Variants in ZBTB48 observed in about 807,000 individuals in gnomAD.
ZBTB48 encodes the protein zinc finger and BTB domain containing 48.
In ZBTB48, 35 loss-of-function variants were observed where a neutral mutation model predicts 64.5. The ratio of observed to expected loss-of-function variants is 0.54; its 90% CI spans 0.41 to 0.72. The LOEUF is 0.72. Ranked by LOEUF, ZBTB48 falls within the 30% of genes least tolerant of loss-of-function variation. The pLI is 0.00. For synonymous variants in ZBTB48, 442 were observed against 356.7 expected (o/e 1.24, Z -2.70); for missense variants, 828 against 895.3 (o/e 0.92, Z 0.96).
At chr1:6,582,958 C>T (rs1640524244) in intron 3 of ZBTB48, among the ~76,000 whole-genome samples, 1 of 152,216 alleles carries the variant, frequency 6.6e-6, no homozygotes, top group Admixed American at 6.5e-5. Context: ...GTGTGAGCCA[C>T]CATGCCCAGC....
chr1:6,580,570 C>T lies in ZBTB48; in HGVS notation c.-40C>T, dbSNP rs773070430. 1 of 1,579,688 alleles carries T rather than the reference C, an allele frequency of 6.3e-7. No homozygotes were observed. Among genetic ancestry groups the T allele is most frequent in the Non-Finnish European group, 8.6e-7 (1 of 1,160,146 alleles). The stretch of plus-strand genomic sequence containing the variant: ...TTTCTCTTGCATACCCTCGCTTAGG[C>T]TGGCCGGGGTGTCACTTCTGCCTCC... On this transcript the variant is annotated 5_prime_UTR_variant, in exon 2 of 11. Coordinates refer to ENST00000377674, the MANE Select transcript of ZBTB48 (RefSeq NM_005341.4). The surrounding 1 kb of genome is among the most constrained non-coding windows in gnomAD (Gnocchi z 5.2).
Position 6,580,940 on chromosome 1 carries a change from T to C in ZBTB48, c.331T>C (p.Cys111Arg). The part of the protein sequence containing the change: ...ELRVPEAVEL[C>R]QSFKPKTSVG... Reference sequence around the variant, plus strand: ...GCGAGTGCCAGAGGCCGTAGAGCTGTGCCAGAGCTTCAAGCCCAAAACTTC... The same window carrying C: ...GCGAGTGCCAGAGGCCGTAGAGCTGCGCCAGAGCTTCAAGCCCAAAACTTC... The change falls in exon 2 of 11, where the codon TGC becomes CGC. Residue 111 changes from cysteine (C) to arginine (R), a missense_variant. Physicochemically the swap from Cys to Arg is radical, Grantham distance 180 (BLOSUM62 -3). Coordinates refer to ENST00000377674, the MANE Select transcript of ZBTB48 (RefSeq NM_005341.4). This position sits in a 1 kb window ranked among gnomAD's most constrained non-coding sequence, Gnocchi z 5.2. 6.2e-7 allele frequency: 1 copy of C among 1,613,974 alleles called. No homozygotes were observed. The highest frequency in any genetic ancestry group is 8.5e-7 in the Non-Finnish European group (1 of 1,180,036).
In ZBTB48 at chr1:6,588,758, G is replaced by A. The variant is rs751416696; in HGVS notation, c.1684G>A (p.Val562Met). 15 of 1,614,058 alleles carry A rather than the reference G, an allele frequency of 9.3e-6. No individual in the cohort carries two copies. Among genetic ancestry groups the A allele is most frequent in the East Asian group, 8.9e-5 (4 of 44,884 alleles). ...CQICGKTFKA[V>M]EQLRVHVRRH... ...CCACGGTGTTCTCCCTCTTGCAGCC[G>A]TGGAGCAACTGCGTGTGCACGTCAG... The change falls in exon 10 of 11, where the codon GTG becomes ATG. Residue 562 changes from valine to methionine, a missense_variant and splice_region_variant. Coordinates refer to ENST00000377674, the MANE Select transcript of ZBTB48 (RefSeq NM_005341.4).
In ZBTB48 at chr1:6,585,911, C is replaced by G; in HGVS notation, c.933-8C>G. On this transcript the variant is annotated splice_region_variant and splice_polypyrimidine_tract_variant and intron_variant, in intron 3 of 10. Coordinates refer to ENST00000377674, the MANE Select transcript of ZBTB48 (RefSeq NM_005341.4). ...CAGCCCCCCCACCCCTGTGGCTTCT[C>G]CTGGCAGGAAACATACTGGGGAGAA... The G allele has an allele frequency of 6.2e-7, 1 of 1,613,884 alleles. No homozygotes were observed. The highest frequency in any genetic ancestry group is 8.5e-7 in the Non-Finnish European group (1 of 1,179,850).
At chr1:6,587,160 A>G (rs1640702224) in intron 5 of ZBTB48, 45 bp from the exon 6 acceptor site, 1 of 1,609,060 alleles carries the variant, frequency 6.2e-7, no homozygotes, top group African/African-American at 1.3e-5. Flanking sequence ...GCAGGGTTTC[A>G]TGGGTGCAGG....
intron 4 of ZBTB48, 42 bp from the exon 5 acceptor site, chr1:6,586,653 G>GC (rs750180112): frequency 2.7e-6 from 4 of 1,504,520 alleles, no homozygotes; most frequent in Non-Finnish European, 1.8e-6. Flanking sequence ...ATAGGCAGAG[G>GC]CCCCCGCTGA....
In ZBTB48 at chr1:6,580,563, G is replaced by A; in HGVS notation, c.-47G>A. ...CAGGAGCTTTCTCTTGCATACCCTC[G>A]CTTAGGCTGGCCGGGGTGTCACTTC... On this transcript the variant is annotated 5_prime_UTR_variant, in exon 2 of 11. Transcript: ENST00000377674. This position sits in a 1 kb window ranked among gnomAD's most constrained non-coding sequence, Gnocchi z 5.2. 2 of 1,573,452 alleles carry A rather than the reference G, an allele frequency of 1.3e-6. No homozygotes were observed.
intron 4 of ZBTB48, chr1:6,586,282 AC>A: frequency 1.9e-6 from 1 of 531,724 alleles, no homozygotes; most frequent in Non-Finnish European, 3.3e-6. Context: ...CCCCTGGCCC[AC>A]CTCCACCTTG....
chr1:6,583,948 T>C (rs1640568895), intron 3 of ZBTB48, among the ~76,000 whole-genome samples: 1 of 151,916 alleles, frequency 6.6e-6, no homozygotes, highest in Non-Finnish European at 1.5e-5. Context: ...CCTGGCTAAT[T>C]TTTTTGTGTG....
At chr1:6,585,379 C>G (rs1640621758) in intron 3 of ZBTB48, 1 of 154,960 alleles carries the variant, frequency 6.5e-6, no homozygotes, top group South Asian at 2.0e-4. Context: ...GGCCCTTTCT[C>G]TGAATGGGGA....
At position 6,581,312 on chromosome 1, in the gene ZBTB48, G is replaced by A; in HGVS notation, c.690+13G>A. ...CGGCAGTAATGAGGTACTGTGCCCA[G>A]GGTGTTGGGACTGGGGAGACAAATA... is the stretch of plus-strand genomic sequence containing the variant. On this transcript the variant is annotated intron_variant, in intron 2 of 10. Coordinates refer to ENST00000377674, the MANE Select transcript of ZBTB48 (RefSeq NM_005341.4). 1 of 1,582,256 alleles carries A rather than the reference G, an allele frequency of 6.3e-7. No individual in the cohort carries two copies. Among genetic ancestry groups the A allele is most frequent in the Non-Finnish European group, 8.6e-7 (1 of 1,165,850 alleles).
chr1:6,586,581 C>CG, intron 4 of ZBTB48, 114 bp from the exon 5 acceptor site: 1 of 1,393,896 alleles, frequency 7.2e-7, no homozygotes, highest in African/African-American at 1.5e-5. Context: ...CCCTAGCGTC[C>CG]CCACCCTCCC....
Position 6,580,257 on chromosome 1 carries a change from C to T in ZBTB48, c.-70+121C>T, listed in dbSNP as rs960496523. On this transcript the variant is annotated intron_variant, in intron 1 of 10. Transcript: ENST00000377674. The surrounding 1 kb of genome is among the most constrained non-coding windows in gnomAD (Gnocchi z 5.2). ...CGCTCACCTGTCCCCGGCTGCCGCC[C>T]TCCGCCGTCCGGGATCCTCTCACTG... 2 of 233,854 alleles carry T rather than the reference C, an allele frequency of 8.6e-6. No homozygotes were observed. The highest frequency in any genetic ancestry group is 4.6e-5 in the African/African-American group (2 of 43,910). 14.5% of individuals were successfully genotyped at this position (233,854 alleles called of 1,614,324 possible).
chr1:6,581,148 C>CT lies in ZBTB48; in HGVS notation c.539_540insT (p.Ala181SerfsTer4). 1 of 1,613,506 alleles carries CT rather than the reference C, an allele frequency of 6.2e-7. No individual in the cohort carries two copies. The highest frequency in any genetic ancestry group is 2.2e-5 in the East Asian group (1 of 44,882). On this transcript the variant is annotated frameshift_variant, in exon 2 of 11. Coordinates refer to ENST00000377674, the MANE Select transcript of ZBTB48 (RefSeq NM_005341.4). LOFTEE classifies it high-confidence loss of function. The stretch of plus-strand genomic sequence containing the variant: ...CCTCAGAGGCCCCAGCTCCATTCCC[C>CT]AGCTCAGAGTGAGGGCCCCTCCTCC...
In ZBTB48 at chr1:6,586,678, G is replaced by A; in HGVS notation, c.1045-17G>A. ...GCCCCCGCTGATGCCGGCCCTGCTT[G>A]CCCCTCACACTGCCAGGTCTTCACG... On this transcript the variant is annotated splice_polypyrimidine_tract_variant and intron_variant, in intron 4 of 10. Transcript: ENST00000377674. 2 of 1,521,028 alleles carry A rather than the reference G, an allele frequency of 1.3e-6. No individual in the cohort carries two copies. The highest frequency in any genetic ancestry group is 1.8e-6 in the Non-Finnish European group (2 of 1,133,076). The allele number at this position is 1,521,028 out of a possible 1,614,324, so 94.2% of individuals were successfully genotyped here. A position where few individuals can be genotyped will look rare whatever the true frequency, so the allele number is the denominator to read the frequency against.
At chr1:6,586,468 C>A (rs1640670498) in intron 4 of ZBTB48, 2 of 909,564 alleles carry the variant, frequency 2.2e-6, no homozygotes, top group East Asian at 2.9e-5. Flanking sequence ...GCCACTCGGA[C>A]CCTGCCCCCA....
rs1640721823 is a variant in ZBTB48, at chr1:6,587,600, T to C, written c.1347T>C (p.Asn449=). ...EECGHRASSR[N]GLQMHIKAKH... Reference sequence around the variant, plus strand: ...GTGGGCACCGGGCCTCGAGCCGGAATGGCCTGCAGATGCACATCAAGGCCA... The same window carrying C: ...GTGGGCACCGGGCCTCGAGCCGGAACGGCCTGCAGATGCACATCAAGGCCA... Residue 449 remains asparagine, a synonymous_variant, in exon 7 of 11, where the codon AAT becomes AAC. Coordinates refer to ENST00000377674, the MANE Select transcript of ZBTB48 (RefSeq NM_005341.4). The C allele has an allele frequency of 6.2e-7, 1 of 1,613,506 alleles. No individual in the cohort carries two copies. Among genetic ancestry groups the C allele is most frequent in the Non-Finnish European group, 8.5e-7 (1 of 1,180,050 alleles).
At chr1:6,588,513 C>G in intron 9 of ZBTB48, 71 bp downstream of exon 9, 1 of 1,452,756 alleles carries the variant, frequency 6.9e-7, no homozygotes, top group East Asian at 2.5e-5. Flanking sequence ...AGGAAACGCT[C>G]CTTTCTTGCC....
In ZBTB48 at chr1:6,586,768, C is replaced by G; in HGVS notation, c.1118C>G (p.Thr373Arg). 6.2e-7 allele frequency: 1 copy of G among 1,607,514 alleles called. No individual in the cohort carries two copies. The highest frequency in any genetic ancestry group is 8.5e-7 in the Non-Finnish European group (1 of 1,176,436). ...MELRVHMVSH[T>R]GEMPYKCSSC... ...CTGCGGGTGCACATGGTGTCTCACACAGGGGAGATGCCCTACAAGGTCAGG... is the reference window on the plus strand; with the variant it reads ...CTGCGGGTGCACATGGTGTCTCACAGAGGGGAGATGCCCTACAAGGTCAGG... Residue 373 changes from threonine (T) to arginine (R), a missense_variant, in exon 5 of 11, where the codon ACA (threonine) becomes AGA (arginine). Transcript: ENST00000377674.
Sources: gnomAD v4.1 joint callset for allele counts (sites outside exome capture counted in the v4.1 genomes callset) on GRCh38, gnomAD v4.1.1 for gene constraint, Gnocchi (gnomAD v3.1) non-coding constraint, MANE v1.5 for transcripts, NCBI Gene and HGNC (gene_info 2026-07-23, HGNC 2026-07-21) for gene names.